RFX7: variants seen among roughly 807,000 people sequenced by gnomAD.
RFX7 encodes regulatory factor X7.
Under a neutral mutation model 111.8 loss-of-function variants are expected in RFX7, and 26 were observed. That is an observed-to-expected ratio of 0.23 (90% CI 0.17 to 0.32). The LOEUF (loss-of-function observed/expected upper bound fraction) is 0.32, where lower values mean the gene tolerates loss of function less well. RFX7 is among the 10% of genes least tolerant of loss of function. The probability of loss-of-function intolerance (pLI) is 1.00; values close to 1 mark genes in which losing one functional copy is unlikely to be tolerated. For missense variants in RFX7, 1,573 were observed against 1,772.9 expected (o/e 0.89, Z 2.02); for synonymous variants, 624 against 624.4 (o/e 1.00, Z 0.01).
intron 3 of RFX7, among the ~76,000 whole-genome samples, chr15:56,174,818 TAAC>T (rs2042885758): frequency 6.6e-6 from 1 of 151,980 alleles, no homozygotes; most frequent in South Asian, 2.1e-4. Context: ...AAACAGAAAG[TAAC>T]ATGTTTAACC....
intron 2 of RFX7, among the ~76,000 whole-genome samples, chr15:56,223,251 A>C (rs148689493): frequency 1.3e-5 from 2 of 152,216 alleles, no homozygotes; most frequent in East Asian, 3.9e-4. Context: ...GATCCCCATA[A>C]AGGTTTCTGA....
chr15:56,184,193 A>ATTTTTTT lies in RFX7; in HGVS notation c.162-4897_162-4891dup, dbSNP rs35880948. Among the ~76,000 whole-genome samples the ATTTTTTT allele has an allele frequency of 4.2e-3, 333 of 80,218 alleles. 1 individual carries two copies. The highest frequency in any genetic ancestry group is 5.1e-3 in the African/African-American group (100 of 19,674). 52.6% of individuals were successfully genotyped at this position (80,218 alleles called of 152,430 possible). A position where few individuals can be genotyped will look rare whatever the true frequency, so the allele number is the denominator to read the frequency against. Reference sequence around the variant, plus strand: ...TGCCACCACACCTGGCTAATTTTGTATTTTTTTTTTTTTTTTTTTTTTTTT... The same window carrying ATTTTTTT: ...TGCCACCACACCTGGCTAATTTTGTATTTTTTTTTTTTTTTTTTTTTTTTTTTTTTTT... On this transcript the variant is annotated intron_variant, in intron 2 of 9. Coordinates refer to ENST00000559447, the MANE Select transcript of RFX7 (RefSeq NM_022841.7).
In RFX7 at chr15:56,243,115, A is replaced by G. The variant is rs1450769880; in HGVS notation, c.161+10T>C. ...GGCTTTTTCACGCGAGCGATGGAGG[A>G]TCCTCTTACCAGATGGAGTTCTTGA... On this transcript the variant is annotated intron_variant, in intron 2 of 9. Transcript: ENST00000559447. The G allele has an allele frequency of 2.2e-6, 3 of 1,357,938 alleles. No homozygotes were observed. The highest frequency in any genetic ancestry group is 2.3e-5 in the South Asian group (2 of 86,010). The allele number at this position is 1,357,938 out of a possible 1,614,324, so 84.1% of individuals were successfully genotyped here.
chr15:56,139,036 G>A (rs371961203), intron 5 of RFX7, among the ~76,000 whole-genome samples: 1 of 151,386 alleles, frequency 6.6e-6, no homozygotes, highest in Non-Finnish European at 1.5e-5. Flanking sequence ...TTTCTCTCTG[G>A]CTGCCCTTAA....
chr15:56,235,917 G>A (rs1435956237), intron 2 of RFX7, among the ~76,000 whole-genome samples: 2 of 152,140 alleles, frequency 1.3e-5, no homozygotes, highest in Non-Finnish European at 2.9e-5. Context: ...ATGGTAGTGT[G>A]TACCATATGG....
At position 56,096,174 on chromosome 15, in the gene RFX7, C is replaced by A. The variant is rs371489737; in HGVS notation, c.1554G>T (p.Ser518=). 2.4e-5 allele frequency: 38 copies of A among 1,613,748 alleles called. 1 individual carries two copies. The Admixed American group carries it at 5.8e-4, about 25-fold the overall frequency. The change falls in exon 10 of 10, where the codon TCG becomes TCT. Residue 518 remains serine, a synonymous_variant. Coordinates refer to ENST00000559447, the MANE Select transcript of RFX7 (RefSeq NM_022841.7). ...TGCTCCTGGACCCAGGAGACTGAAG[C>A]GACACGACAGAACCATTCTTGATCT... ...VPQIKNGSVV[S]LQSPGSRSSS...
chr15:56,109,735 G>A (rs1255919458), intron 5 of RFX7, among the ~76,000 whole-genome samples: 4 of 150,626 alleles, frequency 2.7e-5, no homozygotes, highest in African/African-American at 4.9e-5. Flanking sequence ...CTGCCCGGCC[G>A]CCCCGTCTGA....
In RFX7 at chr15:56,094,165, A is replaced by C. The variant is rs1434114066; in HGVS notation, c.3563T>G (p.Ile1188Ser). Residue 1188 changes from isoleucine to serine, a missense_variant, in exon 10 of 10, where the codon ATC becomes AGC. Coordinates refer to ENST00000559447, the MANE Select transcript of RFX7 (RefSeq NM_022841.7). ...AAAGGGGGTCACATTAGATCGTGGG[A>C]TATTAGATACTGGATAGAGGGTGCT... ...SGSTLYPVSN[I>S]PRSNVTPFGS... The C allele has an allele frequency of 6.2e-7, 1 of 1,613,998 alleles. No individual in the cohort carries two copies. Among genetic ancestry groups the C allele is most frequent in the Admixed American group, 1.7e-5 (1 of 60,028 alleles).
At chr15:56,168,742 AAGG>A (rs2042810843) in intron 3 of RFX7, among the ~76,000 whole-genome samples, 2 of 152,158 alleles carry the variant, frequency 1.3e-5, no homozygotes, top group Admixed American at 1.3e-4. Flanking sequence ...TCCTGAATAT[AAGG>A]AGGTGTCCTG....
intron 2 of RFX7, among the ~76,000 whole-genome samples, chr15:56,223,346 C>T (rs374078221): frequency 2.4e-4 from 36 of 152,262 alleles, no homozygotes; most frequent in Middle Eastern, 3.4e-3. Context: ...ATCACTGTTT[C>T]CTTTATCCTA....
At chr15:56,108,284 C>A (rs2041858628) in intron 5 of RFX7, among the ~76,000 whole-genome samples, 1 of 152,186 alleles carries the variant, frequency 6.6e-6, no homozygotes, top group Admixed American at 6.5e-5. Context: ...TGACGAACAT[C>A]AATGCAAAAA....
rs551437158 is a variant in RFX7, at chr15:56,095,175, A to G, written c.2553T>C (p.Ser851=). Residue 851 remains serine (S), a synonymous_variant, in exon 10 of 10, where the codon TCT becomes TCC. Coordinates refer to ENST00000559447, the MANE Select transcript of RFX7 (RefSeq NM_022841.7). The part of the protein sequence containing the change: ...ESSLNQIQAH[S]SDQLPLQSEL... Reference sequence around the variant, plus strand: ...CAGATTGCAGAGGTAACTGATCTGAAGAATGTGCTTGTATTTGATTTAAAG... The same window carrying G: ...CAGATTGCAGAGGTAACTGATCTGAGGAATGTGCTTGTATTTGATTTAAAG... 2.5e-6 allele frequency: 4 copies of G among 1,613,974 alleles called. No individual in the cohort carries two copies. The South Asian group carries it at 3.3e-5, about 13-fold the overall frequency.
chr15:56,213,591 A>G (rs1190472795), intron 2 of RFX7, among the ~76,000 whole-genome samples: 1 of 152,182 alleles, frequency 6.6e-6, no homozygotes, highest in Non-Finnish European at 1.5e-5. Context: ...TGCAGTGACA[A>G]AAACGTTTTG....
chr15:56,149,387 T>C (rs142672350), intron 3 of RFX7, among the ~76,000 whole-genome samples: 37 of 152,172 alleles, frequency 2.4e-4, no homozygotes, highest in Non-Finnish European at 1.8e-4. Context: ...AACTGAAGGA[T>C]CCTTTTTACA....
intron 2 of RFX7, among the ~76,000 whole-genome samples, chr15:56,211,951 G>C (rs2043316891): frequency 6.6e-6 from 1 of 152,078 alleles, no homozygotes; most frequent in Non-Finnish European, 1.5e-5. Flanking sequence ...AAGACATTTT[G>C]GCAGTTTCTC....
chr15:56,177,521 T>C (rs2042915448), intron 3 of RFX7, among the ~76,000 whole-genome samples: 1 of 152,164 alleles, frequency 6.6e-6, no homozygotes, highest in Admixed American at 6.6e-5. Flanking sequence ...AAAATTTACA[T>C]ATATTCTAAA....
chr15:56,144,179 A>C (rs1224754068), intron 4 of RFX7, among the ~76,000 whole-genome samples: 1 of 152,182 alleles, frequency 6.6e-6, no homozygotes, highest in Non-Finnish European at 1.5e-5. Context: ...ATTGCATGTC[A>C]TAGCATTTAC....
At chr15:56,222,961 A>G (rs1347231333) in intron 2 of RFX7, among the ~76,000 whole-genome samples, 5 of 152,200 alleles carry the variant, frequency 3.3e-5, no homozygotes, top group Non-Finnish European at 7.3e-5. Context: ...AGTTTAACCT[A>G]GTATTTTTAA....
At chr15:56,146,718 C>T (rs149970098) in intron 3 of RFX7, among the ~76,000 whole-genome samples, 2 of 152,218 alleles carry the variant, frequency 1.3e-5, no homozygotes, top group African/African-American at 4.8e-5. Flanking sequence ...AGATTAAAGT[C>T]AGTGTCCTAA....
Sources: gnomAD v4.1 joint callset for allele counts (sites outside exome capture counted in the v4.1 genomes callset) on GRCh38, gnomAD v4.1.1 for gene constraint, MANE v1.5 for transcripts, NCBI Gene and HGNC (gene_info 2026-07-23, HGNC 2026-07-21) for gene names.